EXT1: variants seen among roughly 807,000 people sequenced by gnomAD.
EXT1 encodes exostosin glycosyltransferase 1, also known as exostosin-1.
In EXT1, 20 loss-of-function variants were observed where a neutral mutation model predicts 82.5. The ratio of observed to expected loss-of-function variants is 0.24; its 90% confidence interval spans 0.17 to 0.35. The LOEUF is 0.35. Ranked by LOEUF, EXT1 falls within the 10% of genes least tolerant of loss-of-function variation. The probability of loss-of-function intolerance (pLI) is 1.00; values close to 1 mark genes in which losing one functional copy is unlikely to be tolerated. For missense variants in EXT1, 757 were observed against 936.5 expected (o/e 0.81, Z 2.50); for synonymous variants, 348 against 350.8 (o/e 0.99, Z 0.09).
chr8:118,006,354 T>C (rs1475346476), intron 1 of EXT1, among the ~76,000 whole-genome samples: 2 of 152,210 alleles, frequency 1.3e-5, no homozygotes, highest in Non-Finnish European at 2.9e-5. Context: ...CAGAATTATA[T>C]GGATCTCTGA....
chr8:117,810,149 C>T (rs1484888957), intron 8 of EXT1, among the ~76,000 whole-genome samples: 4 of 152,324 alleles, frequency 2.6e-5, no homozygotes, highest in Middle Eastern at 3.4e-3. Flanking sequence ...TTTTGAGCAG[C>T]GTCTGCAGCA....
chr8:117,884,688 CTG>C (rs1212274890), intron 1 of EXT1, among the ~76,000 whole-genome samples: 3 of 152,076 alleles, frequency 2.0e-5, no homozygotes, highest in African/African-American at 7.2e-5. Context: ...TGAAATGAAA[CTG>C]TGTGAATCCC....
At chr8:118,062,316 G>A (rs148433894) in intron 1 of EXT1, among the ~76,000 whole-genome samples, 2 of 152,280 alleles carry the variant, frequency 1.3e-5, no homozygotes, top group East Asian at 3.9e-4. Context: ...TAGCCTAGAG[G>A]TCCAAAGATG....
intron 1 of EXT1, among the ~76,000 whole-genome samples, chr8:118,075,465 T>C (rs1304812756): frequency 2.0e-5 from 3 of 152,326 alleles, no homozygotes; most frequent in African/African-American, 7.2e-5. Context: ...ACAGTGTTTC[T>C]AACGACACAA....
intron 1 of EXT1, among the ~76,000 whole-genome samples, chr8:117,845,018 C>T (rs1025103144): frequency 6.6e-6 from 1 of 152,218 alleles, no homozygotes; most frequent in African/African-American, 2.4e-5. Flanking sequence ...CTGTCCACCG[C>T]AGAGAGCAGT....
At chr8:118,097,702 T>C (rs756210702) in intron 1 of EXT1, among the ~76,000 whole-genome samples, 49 of 152,306 alleles carry the variant, frequency 3.2e-4, no homozygotes, top group Non-Finnish European at 6.5e-4. Flanking sequence ...AGAAGGCAGG[T>C]ACGTGCACCT....
At chr8:117,801,162 G>A (rs1823161358) in intron 10 of EXT1, among the ~76,000 whole-genome samples, 1 of 152,204 alleles carries the variant, frequency 6.6e-6, no homozygotes, top group African/African-American at 2.4e-5. Flanking sequence ...AAACACAAAT[G>A]TCAAGTTACC....
chr8:117,909,207 T>C (rs1813599937), intron 1 of EXT1, among the ~76,000 whole-genome samples: 1 of 152,148 alleles, frequency 6.6e-6, no homozygotes, highest in Admixed American at 6.5e-5. Context: ...TTGCAACCTA[T>C]TCTAAACTAA....
chr8:117,844,576 G>A (rs1251017457), intron 1 of EXT1, among the ~76,000 whole-genome samples: 1 of 152,130 alleles, frequency 6.6e-6, no homozygotes, highest in Non-Finnish European at 1.5e-5. Context: ...GCTGGAAAAT[G>A]GGTCCAACTG....
chr8:117,989,581 G>A (rs1815393668), intron 1 of EXT1, among the ~76,000 whole-genome samples: 1 of 152,126 alleles, frequency 6.6e-6, no homozygotes, highest in Non-Finnish European at 1.5e-5. Context: ...GAACAACTTG[G>A]GGAAAGCCCT....
intron 1 of EXT1, among the ~76,000 whole-genome samples, chr8:118,042,191 T>C (rs941535431): frequency 1.2e-4 from 18 of 152,162 alleles, no homozygotes; most frequent in African/African-American, 3.9e-4. Context: ...CTAAGAAATC[T>C]AACTGTGATT....
Position 117,835,572 on chromosome 8 carries a change from C to T in EXT1, c.1057-21G>A, listed in dbSNP as rs758393463. 1.7e-5 allele frequency: 26 copies of T among 1,570,754 alleles called. No individual in the cohort carries two copies. In the African/African-American group the frequency reaches 2.0e-4, roughly 12 times the overall value. Reference sequence around the variant, plus strand: ...GCAGCCTGAGCAAAAAAGGGGACTTCGTGAATGTGAGGAAAGCGACAGCAG... The same window carrying T: ...GCAGCCTGAGCAAAAAAGGGGACTTTGTGAATGTGAGGAAAGCGACAGCAG... On this transcript the variant is annotated intron_variant, in intron 2 of 10. Coordinates refer to ENST00000378204, the MANE Select transcript of EXT1 (RefSeq NM_000127.3).
At chr8:117,949,018 T>G (rs1814439944) in intron 1 of EXT1, among the ~76,000 whole-genome samples, 1 of 152,228 alleles carries the variant, frequency 6.6e-6, no homozygotes, top group Non-Finnish European at 1.5e-5. Flanking sequence ...TATTCCAACT[T>G]GAAACTGGAA....
chr8:117,978,637 C>T (rs1255157839), intron 1 of EXT1, among the ~76,000 whole-genome samples: 4 of 152,178 alleles, frequency 2.6e-5, no homozygotes, highest in Non-Finnish European at 4.4e-5. Flanking sequence ...CCAGGAAAGC[C>T]CAGAAAGGTT....
intron 1 of EXT1, among the ~76,000 whole-genome samples, chr8:118,105,877 T>G (rs1477665149): frequency 2.6e-5 from 4 of 152,168 alleles, no homozygotes; most frequent in Non-Finnish European, 5.9e-5. Flanking sequence ...AAGAAAAAAG[T>G]ATTTAGCATT....
chr8:117,865,249 C>A (rs4129115), intron 1 of EXT1, among the ~76,000 whole-genome samples: 21,432 of 152,160 alleles, frequency 0.14, 1,865 homozygotes, highest in East Asian at 0.37. Flanking sequence ...CTCACTGCAG[C>A]CTTGACCTCC....
intron 1 of EXT1, among the ~76,000 whole-genome samples, chr8:117,858,892 A>G (rs17452826): frequency 0.26 from 34,315 of 129,602 alleles, 6,211 homozygotes; most frequent in Middle Eastern, 0.39. Flanking sequence ...AAAGAAAGAA[A>G]GAAAGAAAGA....
chr8:117,898,610 G>A (rs1401550568), intron 1 of EXT1, among the ~76,000 whole-genome samples: 1 of 152,142 alleles, frequency 6.6e-6, no homozygotes, highest in Non-Finnish European at 1.5e-5. Flanking sequence ...GGTAAAATGT[G>A]TGAATGGCTG....
intron 1 of EXT1, among the ~76,000 whole-genome samples, chr8:118,050,502 G>C (rs1009578098): frequency 6.6e-6 from 1 of 152,130 alleles, no homozygotes; most frequent in African/African-American, 2.4e-5. Context: ...TCCCAGCAGG[G>C]GTCGGCAAAC....
Sources: allele counts gnomAD v4.1 joint callset (sites outside exome capture counted in the v4.1 genomes callset), GRCh38; gene constraint gnomAD v4.1.1; transcripts MANE v1.5; gene names NCBI Gene and HGNC (gene_info 2026-07-23, HGNC 2026-07-21).